Variants in DDRGK1 observed in about 807,000 individuals in gnomAD.
DDRGK1 encodes DDRGK domain containing 1.
DDRGK1 carries 38 observed loss-of-function variants against 45.8 expected under a neutral mutation model. That is an observed-to-expected ratio of 0.83 (90% confidence interval 0.64 to 1.09). DDRGK1 has a LOEUF of 1.09. Ranked by LOEUF, DDRGK1 falls within the 50% of genes least tolerant of loss-of-function variation. The pLI is 0.00. For missense variants in DDRGK1, 403 were observed against 419.9 expected (o/e 0.96, Z 0.35); for synonymous variants, 171 against 168.7 (o/e 1.01, Z -0.11).
chr20:3,196,503 C>CCG (rs1341622850), intron 4 of DDRGK1, among the ~76,000 whole-genome samples: 1,692 of 119,408 alleles, frequency 0.014, 18 homozygotes, highest in Non-Finnish European at 0.021. Flanking sequence ...CGGTGAAACC[C>CCG]TGTCTCCACT....
Position 3,190,504 on chromosome 20 carries a change from C to A in DDRGK1, c.*149G>T. Reference sequence around the variant, plus strand: ...ATCCTAGGCCAGGCCTTCTGCCACACCAAGCCACACCAAGCTCAGCAGTAC... The same window carrying A: ...ATCCTAGGCCAGGCCTTCTGCCACAACAAGCCACACCAAGCTCAGCAGTAC... On this transcript the variant is annotated 3_prime_UTR_variant, in exon 9 of 9. Coordinates refer to ENST00000354488, the MANE Select transcript of DDRGK1 (RefSeq NM_023935.3). 9.7e-7 allele frequency: 1 copy of A among 1,030,796 alleles called. No individual in the cohort carries two copies. The highest frequency in any genetic ancestry group is 1.4e-6 in the Non-Finnish European group (1 of 709,532). 63.9% of individuals were successfully genotyped at this position (1,030,796 alleles called of 1,614,324 possible).
rs201354562 is a variant in DDRGK1 at position 3,200,055 on chromosome 20, G to A, written c.456C>T (p.Arg152=). ...REERKRLESQ[R]EAEWKKEEER... is the part of the protein sequence containing the mutation. ...CCTCCTCCTTCTTCCACTCAGCTTC[G>A]CGCTGGGACTCGAGTCGTTTCCGCT... is the stretch of plus-strand genomic sequence containing the variant. The change falls in exon 4 of 9, where the codon CGC becomes CGT. Residue 152 remains arginine (R), a synonymous_variant. Transcript: ENST00000354488. 8.7e-6 allele frequency: 14 copies of A among 1,613,834 alleles called. No individual in the cohort carries two copies. The highest frequency in any genetic ancestry group is 8.3e-5 in the Admixed American group (5 of 59,984).
At chr20:3,195,553 C>G (rs1048889263) in intron 4 of DDRGK1, among the ~76,000 whole-genome samples, 200 bp from the exon 5 acceptor site, 9 of 152,128 alleles carry the variant, frequency 5.9e-5, no homozygotes, top group Non-Finnish European at 1.3e-4. Context: ...GTTTCATCAT[C>G]ACCTGGACAA....
Position 3,190,562 on chromosome 20 carries a change from C to T in DDRGK1, c.*91G>A, listed in dbSNP as rs1600469057. ...CCTTTAATCTATAACTGCCTGGCCA[C>T]ACCATCACTTCCCCAGGATGGTGGG... On this transcript the variant is annotated 3_prime_UTR_variant, in exon 9 of 9. Coordinates refer to ENST00000354488, the MANE Select transcript of DDRGK1 (RefSeq NM_023935.3). 1 of 1,510,574 alleles carries T rather than the reference C, an allele frequency of 6.6e-7. No homozygotes were observed. The highest frequency in any genetic ancestry group is 2.3e-5 in the East Asian group (1 of 44,230). 93.6% of individuals were successfully genotyped at this position (1,510,574 alleles called of 1,614,324 possible). A position where few individuals can be genotyped will look rare whatever the true frequency, so the allele number is the denominator to read the frequency against.
chr20:3,194,708 G>T, intron 6 of DDRGK1, 122 bp downstream of exon 6: 1 of 1,324,014 alleles, frequency 7.6e-7, no homozygotes, highest in Non-Finnish European at 1.1e-6. Context: ...CTGCCCCTCT[G>T]GGCCCCCCTG....
chr20:3,201,211 G>A (rs1168075711), intron 2 of DDRGK1, among the ~76,000 whole-genome samples: 1 of 150,846 alleles, frequency 6.6e-6, no homozygotes, highest in African/African-American at 2.5e-5. Context: ...GTGAACCCAG[G>A]AGGCGGAACT....
intron 2 of DDRGK1, among the ~76,000 whole-genome samples, chr20:3,201,689 G>A (rs1410917352): frequency 2.0e-5 from 3 of 150,406 alleles, no homozygotes; most frequent in Non-Finnish European, 3.0e-5. Context: ...ACGGAGTCTC[G>A]CTCTGTTGCC....
chr20:3,200,315 G>T (rs1467055402), intron 3 of DDRGK1, 27 bp downstream of exon 3: 10 of 1,552,006 alleles, frequency 6.4e-6, no homozygotes, highest in Non-Finnish European at 8.7e-6. Flanking sequence ...GCACTTCCCA[G>T]AGCTGCACCC....
rs1195358817 is a variant in DDRGK1, at chr20:3,191,752, T to G, written c.729+13A>C. The G allele has an allele frequency of 2.5e-6, 4 of 1,598,730 alleles. No individual in the cohort carries two copies. The African/African-American group carries it at 5.4e-5, about 21-fold the overall frequency. On this transcript the variant is annotated intron_variant, in intron 7 of 8. Coordinates refer to ENST00000354488, the MANE Select transcript of DDRGK1 (RefSeq NM_023935.3). ...GCCACACTGCACACAGCAGGCCACG[T>G]TCCAGGGCTTACCTGAGTGCGTAGG...
intron 6 of DDRGK1, 39 bp downstream of exon 6, chr20:3,194,791 A>C: frequency 6.2e-7 from 1 of 1,613,750 alleles, no homozygotes; most frequent in Non-Finnish European, 8.5e-7. Flanking sequence ...CATGCCAGGC[A>C]GGGAGCTGAC....
chr20:3,201,238 C>T (rs1313914008), intron 2 of DDRGK1, among the ~76,000 whole-genome samples: 5 of 133,686 alleles, frequency 3.7e-5, no homozygotes, highest in South Asian at 2.3e-4. Flanking sequence ...GAGCGGAGAT[C>T]GCGCCACTGC....
intron 2 of DDRGK1, among the ~76,000 whole-genome samples, chr20:3,201,662 G>GT (rs534690324): frequency 0.011 from 1,529 of 142,920 alleles, 10 homozygotes; most frequent in African/African-American, 0.02. Context: ...GTTTTTTTTG[G>GT]TTTTTTTTTT....
intron 2 of DDRGK1, among the ~76,000 whole-genome samples, chr20:3,202,372 G>A (rs934321952): frequency 1.3e-5 from 2 of 152,116 alleles, no homozygotes; most frequent in Non-Finnish European, 2.9e-5. Flanking sequence ...CCAGGCAAGG[G>A]AAGTCCCATG....
chr20:3,192,799 G>T (rs2066995002), intron 6 of DDRGK1, among the ~76,000 whole-genome samples: 1 of 152,190 alleles, frequency 6.6e-6, no homozygotes, highest in Non-Finnish European at 1.5e-5. Flanking sequence ...AAATGAGCTG[G>T]GGGAGGACTG....
At chr20:3,191,641 T>G (rs1367597877) in intron 7 of DDRGK1, 124 bp downstream of exon 7, 10 of 1,111,836 alleles carry the variant, frequency 9.0e-6, no homozygotes, top group African/African-American at 4.7e-5. Flanking sequence ...TTCTGTGCAC[T>G]ACTCACTCTT....
At chr20:3,194,134 G>A (rs1420106842) in intron 6 of DDRGK1, among the ~76,000 whole-genome samples, 6 of 152,116 alleles carry the variant, frequency 3.9e-5, no homozygotes, top group East Asian at 1.9e-4. Flanking sequence ...GAGAGGTGGC[G>A]GGAGGATTAT....
chr20:3,197,549 G>A (rs980224689), intron 4 of DDRGK1, among the ~76,000 whole-genome samples: 1 of 152,194 alleles, frequency 6.6e-6, no homozygotes, highest in Non-Finnish European at 1.5e-5. Flanking sequence ...TCTTCAGTCA[G>A]ATCCATAACC....
chr20:3,190,958 G>T, intron 8 of DDRGK1, 139 bp from the exon 9 acceptor site: 1 of 1,349,780 alleles, frequency 7.4e-7, no homozygotes, highest in Non-Finnish European at 1.0e-6. Flanking sequence ...GCTGCATCCA[G>T]TCCTGCTAGG....
intron 7 of DDRGK1, 44 bp downstream of exon 7, chr20:3,191,721 C>A: frequency 1.3e-6 from 2 of 1,571,710 alleles, no homozygotes; most frequent in Non-Finnish European, 1.7e-6. Context: ...TAGCCACAGA[C>A]CCCTGGCCAC....
Sources: allele counts gnomAD v4.1 joint callset (sites outside exome capture counted in the v4.1 genomes callset), GRCh38; gene constraint gnomAD v4.1.1; transcripts MANE v1.5; gene names NCBI Gene and HGNC (gene_info 2026-07-23, HGNC 2026-07-21).